The following AKR7A3 variants were observed in gnomAD, a reference collection of about 807,000 sequenced individuals.
The protein encoded by AKR7A3 is AFB1 aldehyde reductase 2.
A neutral mutation model predicts 32.5 loss-of-function variants in AKR7A3; 37 were observed. That is an observed-to-expected ratio of 1.14 (90% CI 0.88 to 1.50). AKR7A3 has a LOEUF of 1.50. Ranked by LOEUF, AKR7A3 falls within the 40% of genes most tolerant of loss-of-function variation. AKR7A3 has a pLI of 0.00. For missense variants in AKR7A3, 412 were observed against 453.2 expected (o/e 0.91, Z 0.83); for synonymous variants, 177 against 188.4 (o/e 0.94, Z 0.50).
the AKR7A3 span, among the ~76,000 whole-genome samples, chr1:19,275,136 C>T: frequency 2.0e-5 from 3 of 151,578 alleles, no homozygotes; most frequent in Non-Finnish European, 4.4e-5. Context: ...ATGCGCCAGG[C>T]GGAGTGGTTC....
chr1:19,284,918 G>C (rs2093726552), intron 4 of AKR7A3, 100 bp downstream of exon 4: 3 of 1,574,810 alleles, frequency 1.9e-6, no homozygotes, highest in Admixed American at 3.3e-5. Context: ...TTTGACCTCA[G>C]AGGTCAAAGT....
chr1:19,277,364 A>T, the AKR7A3 span, among the ~76,000 whole-genome samples: 1 of 151,944 alleles, frequency 6.6e-6, no homozygotes, highest in Non-Finnish European at 1.5e-5. Flanking sequence ...CAAAGATGTA[A>T]TCTCAAGGAA....
chr1:19,285,750 T>G, intron 3 of AKR7A3, 138 bp downstream of exon 3: 1 of 1,010,010 alleles, frequency 9.9e-7, no homozygotes, highest in Non-Finnish European at 1.5e-6. Context: ...ATCCTGAGGG[T>G]ACCTGGGAGC....
At chr1:19,274,531 C>A in the AKR7A3 span, among the ~76,000 whole-genome samples, 4 of 151,748 alleles carry the variant, frequency 2.6e-5, no homozygotes, top group African/African-American at 9.7e-5. Flanking sequence ...TGCCTGCCTG[C>A]CGTGTGGTCC....
intron 6 of AKR7A3, among the ~76,000 whole-genome samples, chr1:19,283,351 A>T: frequency 6.6e-6 from 1 of 151,858 alleles, no homozygotes; most frequent in Non-Finnish European, 1.5e-5. Context: ...AGCTCCCACC[A>T]AAAGGATGAG....
chr1:19,279,860 TGGC>T (rs2093716218), downstream of AKR7A3, among the ~76,000 whole-genome samples: 1 of 151,886 alleles, frequency 6.6e-6, no homozygotes, highest in African/African-American at 2.4e-5. Context: ...AGCCCAAAGA[TGGC>T]TTTGAATGTG....
At chr1:19,274,869 G>A in the AKR7A3 span, among the ~76,000 whole-genome samples, 1 of 103,958 alleles carries the variant, frequency 9.6e-6, no homozygotes, top group Non-Finnish European at 1.8e-5. Flanking sequence ...CTCCGCCCTG[G>A]GTGACAGAGG....
At chr1:19,281,863 G>A (rs116105034), downstream of AKR7A3, among the ~76,000 whole-genome samples, 126 of 152,088 alleles carry the variant, frequency 8.3e-4, 1 homozygote, top group African/African-American at 3.0e-3. Flanking sequence ...TTTCAGACTT[G>A]CGTGGGCCTG....
downstream of AKR7A3, among the ~76,000 whole-genome samples, chr1:19,278,434 G>A (rs1042530670): frequency 6.6e-6 from 1 of 151,734 alleles, no homozygotes; most frequent in South Asian, 2.1e-4. Context: ...GGTGGCACAC[G>A]CCTGTAGTCC....
At chr1:19,283,535 A>G (rs1217054109) in intron 6 of AKR7A3, among the ~76,000 whole-genome samples, 1 of 152,072 alleles carries the variant, frequency 6.6e-6, no homozygotes, top group African/African-American at 2.4e-5. Flanking sequence ...ATACCATCAA[A>G]GACCAATGAG....
intron 1 of AKR7A3, among the ~76,000 whole-genome samples, chr1:19,288,101 A>C (rs1052115305): frequency 6.6e-6 from 1 of 152,106 alleles, no homozygotes; most frequent in Non-Finnish European, 1.5e-5. Context: ...GTAAGAACAG[A>C]ATTTCTGCAG....
At chr1:19,282,555 G>T, downstream of AKR7A3, 2 of 1,084,990 alleles carry the variant, frequency 1.8e-6, no homozygotes, top group Non-Finnish European at 2.7e-6. Flanking sequence ...AACGCAAACA[G>T]ACTAACACAC....
At chr1:19,279,528 C>A (rs4912065), downstream of AKR7A3, among the ~76,000 whole-genome samples, 447 of 151,932 alleles carry the variant, frequency 2.9e-3, 17 homozygotes, top group Admixed American at 0.025. Context: ...GTGGTTGTAC[C>A]ATTTTACATT....
the AKR7A3 span, among the ~76,000 whole-genome samples, chr1:19,274,450 A>G: frequency 6.6e-6 from 1 of 151,646 alleles, no homozygotes. Flanking sequence ...CCCGCCCCGG[A>G]GCTGTCCCAG....
At chr1:19,274,459 A>T in the AKR7A3 span, among the ~76,000 whole-genome samples, 2 of 151,894 alleles carry the variant, frequency 1.3e-5, no homozygotes, top group African/African-American at 4.9e-5. Context: ...GAGCTGTCCC[A>T]GGTCTCTGTC....
At position 19,283,995 on chromosome 1, in the gene AKR7A3, C is replaced by T. The variant is rs772727900; in HGVS notation, c.834+1G>A. The stretch of plus-strand genomic sequence containing the variant: ...GCTGAGCGCACAGGGTCACTGGTTA[C>T]CTGCAGCTGTGAGTGGTGGTACATC... On this transcript the variant is annotated splice_donor_variant, in intron 6 of 6. Coordinates refer to ENST00000361640, the MANE Select transcript of AKR7A3 (RefSeq NM_012067.3). LOFTEE classifies it high-confidence loss of function. 7 of 1,613,030 alleles carry T rather than the reference C, an allele frequency of 4.3e-6. No individual in the cohort carries two copies. The highest frequency in any genetic ancestry group is 1.3e-5 in the African/African-American group (1 of 74,750).
At chr1:19,284,922 T>C (rs1462146391) in intron 4 of AKR7A3, 96 bp downstream of exon 4, 3 of 1,587,586 alleles carry the variant, frequency 1.9e-6, no homozygotes, top group Non-Finnish European at 2.6e-6. Context: ...ACCTCAGAGG[T>C]CAAAGTTTGT....
chr1:19,284,867 G>A (rs2093726408), intron 4 of AKR7A3, 82 bp from the exon 5 acceptor site: 2 of 1,574,130 alleles, frequency 1.3e-6, no homozygotes, highest in South Asian at 1.1e-5. Flanking sequence ...TCTAGGGGAG[G>A]GGCAGGGACC....
intron 1 of AKR7A3, among the ~76,000 whole-genome samples, chr1:19,288,081 G>A (rs1356662186): frequency 1.3e-5 from 2 of 152,226 alleles, no homozygotes; most frequent in African/African-American, 4.8e-5. Context: ...GTGCCAGGGA[G>A]TGCCAGGCGG....
Sources: allele counts gnomAD v4.1 joint callset (sites outside exome capture counted in the v4.1 genomes callset), GRCh38; gene constraint gnomAD v4.1.1; transcripts MANE v1.5; gene names NCBI Gene and HGNC (gene_info 2026-07-23, HGNC 2026-07-21).